Variants in KCND2 observed in about 807,000 individuals in gnomAD.
KCND2 encodes A-type voltage-gated potassium channel KCND2.
KCND2 carries 16 observed loss-of-function variants against 54.4 expected under a neutral mutation model. The observed-to-expected ratio is 0.29, with a 90% CI of 0.20 to 0.45. KCND2 has a LOEUF of 0.45. Ranked by LOEUF, KCND2 falls within the 20% of genes least tolerant of loss-of-function variation. The probability of loss-of-function intolerance (pLI) is 1.00; values close to 1 mark genes in which losing one functional copy is unlikely to be tolerated. For missense variants in KCND2, 486 were observed against 824.2 expected (o/e 0.59, Z 5.02); for synonymous variants, 317 against 310.7 (o/e 1.02, Z -0.21).
chr7:120,436,571 G>A (rs1332033526), intron 1 of KCND2, among the ~76,000 whole-genome samples: 2 of 152,086 alleles, frequency 1.3e-5, no homozygotes, highest in Non-Finnish European at 2.9e-5. Flanking sequence ...TTCATCAAGT[G>A]GCAGAAACTC....
chr7:120,570,418 A>C (rs1584832806), intron 1 of KCND2, among the ~76,000 whole-genome samples: 1 of 134,308 alleles, frequency 7.4e-6, no homozygotes, highest in East Asian at 2.0e-4. Flanking sequence ...TAAAAAGTTA[A>C]AAAAAAAAAA....
At chr7:120,536,102 A>G (rs950533974) in intron 1 of KCND2, among the ~76,000 whole-genome samples, 5 of 152,202 alleles carry the variant, frequency 3.3e-5, no homozygotes, top group Non-Finnish European at 1.5e-5. Flanking sequence ...CACAACCACA[A>G]TAAAGTGAAT....
chr7:120,623,079 G>C (rs756293330), intron 1 of KCND2, among the ~76,000 whole-genome samples: 5 of 152,078 alleles, frequency 3.3e-5, no homozygotes, highest in Non-Finnish European at 5.9e-5. Context: ...TAATAGACAT[G>C]GGTTTAAAAC....
intron 1 of KCND2, among the ~76,000 whole-genome samples, chr7:120,572,840 A>G (rs1268289974): frequency 6.6e-6 from 1 of 152,204 alleles, no homozygotes; most frequent in African/African-American, 2.4e-5. Flanking sequence ...AACATAATCT[A>G]TATAACCAGT....
intron 1 of KCND2, among the ~76,000 whole-genome samples, chr7:120,566,006 C>T (rs778314002): frequency 1.3e-5 from 2 of 152,180 alleles, no homozygotes; most frequent in Non-Finnish European, 2.9e-5. Context: ...CAGACCACAA[C>T]GCCTATCTTC....
chr7:120,388,644 A>G (rs1208247627), intron 1 of KCND2, among the ~76,000 whole-genome samples: 1 of 151,972 alleles, frequency 6.6e-6, no homozygotes, highest in African/African-American at 2.4e-5. Flanking sequence ...TCACACCTCA[A>G]TGAGGGTTCT....
chr7:120,548,557 A>G (rs1385930958), intron 1 of KCND2, among the ~76,000 whole-genome samples: 1 of 152,166 alleles, frequency 6.6e-6, no homozygotes, highest in Non-Finnish European at 1.5e-5. Context: ...TCAATCAAAC[A>G]AGGAAGGTCT....
At chr7:120,393,800 A>G (rs1801112781) in intron 1 of KCND2, among the ~76,000 whole-genome samples, 1 of 152,020 alleles carries the variant, frequency 6.6e-6, no homozygotes, top group Non-Finnish European at 1.5e-5. Context: ...ATTCTAAAAC[A>G]TATTCTGAGA....
chr7:120,429,804 C>G (rs1038184858), intron 1 of KCND2, among the ~76,000 whole-genome samples: 1 of 151,990 alleles, frequency 6.6e-6, no homozygotes, highest in African/African-American at 2.4e-5. Context: ...GTGTCTGCCA[C>G]CATAAGCTTG....
chr7:120,398,531 G>A (rs763757670), intron 1 of KCND2, among the ~76,000 whole-genome samples: 1 of 152,020 alleles, frequency 6.6e-6, no homozygotes, highest in Non-Finnish European at 1.5e-5. Context: ...GGGAGTGAGT[G>A]GGGAAGTTTG....
intron 1 of KCND2, among the ~76,000 whole-genome samples, chr7:120,586,257 C>T (rs1189956384): frequency 6.6e-6 from 1 of 151,982 alleles, no homozygotes; most frequent in Non-Finnish European, 1.5e-5. Context: ...ATGAAAAGCG[C>T]ACCCATATGT....
chr7:120,351,248 A>ATATG (rs1563018465), intron 1 of KCND2, among the ~76,000 whole-genome samples: 2 of 135,948 alleles, frequency 1.5e-5, no homozygotes, highest in East Asian at 4.1e-4. Context: ...ATGTGTGTAT[A>ATATG]TATATATATA....
chr7:120,741,631 T>C lies in KCND2; in HGVS notation c.1374+2T>C. ...GGTTTACTCAGTAATCAGCTGCAGG[T>C]ACAATCAATTACATCTCTTTTTTTA... On this transcript the variant is annotated splice_donor_variant, in intron 3 of 5. Transcript: ENST00000331113. LOFTEE classifies it high-confidence loss of function. The C allele has an allele frequency of 6.4e-7, 1 of 1,574,002 alleles. No individual in the cohort carries two copies. The highest frequency in any genetic ancestry group is 8.7e-7 in the Non-Finnish European group (1 of 1,143,746).
intron 1 of KCND2, among the ~76,000 whole-genome samples, chr7:120,318,035 A>G (rs1160344317): frequency 1.3e-5 from 2 of 152,170 alleles, no homozygotes; most frequent in East Asian, 1.9e-4. Flanking sequence ...GTGAGGGTTG[A>G]TGTCAGAGAT....
chr7:120,523,700 CACTCTGTGTGTGTGTG>C (rs1234528172), intron 1 of KCND2, among the ~76,000 whole-genome samples: 2 of 114,306 alleles, frequency 1.7e-5, no homozygotes, highest in East Asian at 7.0e-4. Flanking sequence ...CACACACACA[CACTCTGTGTGTGTGTG>C]TGTGTGTGTG....
intron 1 of KCND2, among the ~76,000 whole-genome samples, chr7:120,377,839 A>G (rs1264693804): frequency 6.6e-6 from 1 of 151,838 alleles, no homozygotes; most frequent in Non-Finnish European, 1.5e-5. Context: ...GTGTCCCTTC[A>G]GCTTAATCTC....
intron 1 of KCND2, among the ~76,000 whole-genome samples, chr7:120,335,896 T>G (rs1403261423): frequency 6.6e-6 from 1 of 152,216 alleles, no homozygotes; most frequent in Non-Finnish European, 1.5e-5. Context: ...AAACACAGAT[T>G]AATTACTAGG....
intron 1 of KCND2, among the ~76,000 whole-genome samples, chr7:120,545,462 A>G (rs111367025): frequency 0.013 from 1,947 of 152,038 alleles, 14 homozygotes; most frequent in Non-Finnish European, 0.02. Context: ...TGTAAATTAT[A>G]TGAGTAAAAT....
At chr7:120,725,952 G>A (rs1166264447) in intron 1 of KCND2, among the ~76,000 whole-genome samples, 3 of 152,064 alleles carry the variant, frequency 2.0e-5, no homozygotes, top group Non-Finnish European at 2.9e-5. Flanking sequence ...CTCTAATTAG[G>A]GTGTGGAATC....
Sources: gnomAD v4.1 joint callset for allele counts (sites outside exome capture counted in the v4.1 genomes callset) on GRCh38, gnomAD v4.1.1 for gene constraint, MANE v1.5 for transcripts, NCBI Gene and HGNC (gene_info 2026-07-23, HGNC 2026-07-21) for gene names.